The following LEKR1 variants were observed in gnomAD, a reference collection of about 807,000 sequenced individuals.
LEKR1 encodes leucine, glutamate and lysine rich 1, also known as protein LEKR1.
In LEKR1, 59 loss-of-function variants were observed where a neutral mutation model predicts 72.4. The observed-to-expected ratio is 0.82, with a 90% confidence interval of 0.66 to 1.01. The LOEUF (loss-of-function observed/expected upper bound fraction) is 1.01. Ranked by LOEUF, LEKR1 falls within the 50% of genes least tolerant of loss-of-function variation. The probability of loss-of-function intolerance (pLI) is 0.00; values close to 1 mark genes in which losing one functional copy is unlikely to be tolerated. For synonymous variants in LEKR1, 257 were observed against 263.2 expected, an observed-to-expected ratio of 0.98 and a Z score of 0.23; for missense variants, 728 against 759.2, an observed-to-expected ratio of 0.96 and a Z score of 0.48.
chr3:156,918,529 A>C (rs1723878085), intron 3 of LEKR1, among the ~76,000 whole-genome samples: 3 of 152,110 alleles, frequency 2.0e-5, no homozygotes, highest in Non-Finnish European at 4.4e-5. Context: ...AAGATGATAG[A>C]CCAGAGAGTT....
intron 3 of LEKR1, among the ~76,000 whole-genome samples, chr3:156,902,300 A>T (rs1722114690): frequency 6.6e-6 from 1 of 152,168 alleles, no homozygotes; most frequent in South Asian, 2.1e-4. Context: ...ACTTCATAAA[A>T]TAACTTATAT....
intron 5 of LEKR1, among the ~76,000 whole-genome samples, chr3:156,940,192 A>T (rs576691523): frequency 2.0e-5 from 3 of 152,274 alleles, no homozygotes; most frequent in African/African-American, 7.2e-5. Flanking sequence ...GGTAGAAATT[A>T]TGGGGGAAAT....
At chr3:156,912,711 C>G (rs1157873913) in intron 3 of LEKR1, among the ~76,000 whole-genome samples, 1 of 152,218 alleles carries the variant, frequency 6.6e-6, no homozygotes, top group African/African-American at 2.4e-5. Flanking sequence ...AATTGGCAGA[C>G]TTTCATGAGG....
chr3:156,885,333 A>G (rs1719936600), intron 3 of LEKR1, among the ~76,000 whole-genome samples: 1 of 152,040 alleles, frequency 6.6e-6, no homozygotes, highest in South Asian at 2.1e-4. Context: ...AGCTGGTGTG[A>G]TCTTTTGGGG....
At chr3:156,957,265 C>T (rs958904844) in intron 6 of LEKR1, among the ~76,000 whole-genome samples, 2 of 151,806 alleles carry the variant, frequency 1.3e-5, no homozygotes, top group African/African-American at 2.4e-5. Flanking sequence ...TAGAAACATG[C>T]TTATGATTAT....
chr3:156,993,933 T>A (rs1305104660), intron 9 of LEKR1, among the ~76,000 whole-genome samples: 1 of 152,160 alleles, frequency 6.6e-6, no homozygotes, highest in African/African-American at 2.4e-5. Flanking sequence ...GCATATCTGA[T>A]ATATAGCACA....
At chr3:156,836,191 A>G (rs1002667685) in intron 2 of LEKR1, among the ~76,000 whole-genome samples, 1 of 152,084 alleles carries the variant, frequency 6.6e-6, no homozygotes, top group African/African-American at 2.4e-5. Context: ...GTAATTTCTG[A>G]TATCCTCAAA....
At chr3:156,956,121 G>A (rs1292180622) in intron 6 of LEKR1, among the ~76,000 whole-genome samples, 1 of 151,866 alleles carries the variant, frequency 6.6e-6, no homozygotes, top group Non-Finnish European at 1.5e-5. Context: ...GGAAGAACCA[G>A]GCTGAGAAAG....
At chr3:157,032,799 A>C (rs369674661) in intron 12 of LEKR1, among the ~76,000 whole-genome samples, 9 of 133,434 alleles carry the variant, frequency 6.7e-5, no homozygotes, top group African/African-American at 2.4e-4. Flanking sequence ...ATTGTGCTCC[A>C]CAGATACTGT....
intron 3 of LEKR1, among the ~76,000 whole-genome samples, chr3:156,898,980 T>C (rs909644364): frequency 6.6e-6 from 1 of 152,194 alleles, no homozygotes; most frequent in Non-Finnish European, 1.5e-5. Flanking sequence ...GCTGAATCTC[T>C]TGTTGCTCCT....
intron 5 of LEKR1, among the ~76,000 whole-genome samples, chr3:156,936,440 C>CACACACACACAG (rs1725711500): frequency 9.5e-6 from 1 of 105,138 alleles, no homozygotes; most frequent in African/African-American, 2.8e-5. Flanking sequence ...CACACACACA[C>CACACACACACAG]ACACACACAC....
intron 2 of LEKR1, among the ~76,000 whole-genome samples, chr3:156,850,150 C>T (rs1056609717): frequency 6.6e-6 from 1 of 151,854 alleles, no homozygotes; most frequent in Non-Finnish European, 1.5e-5. Flanking sequence ...CAAAAAAACA[C>T]GTGAAAAAAT....
intron 7 of LEKR1, among the ~76,000 whole-genome samples, chr3:156,989,037 T>C (rs1190064908): frequency 6.6e-6 from 1 of 152,178 alleles, no homozygotes; most frequent in Admixed American, 6.5e-5. Context: ...TTCACTATGT[T>C]GGCCATGTTT....
chr3:156,840,452 T>A (rs1713763885), intron 2 of LEKR1, among the ~76,000 whole-genome samples: 1 of 152,234 alleles, frequency 6.6e-6, no homozygotes, highest in South Asian at 2.1e-4. Context: ...TTTTTAAAAA[T>A]CTCTTTGAAA....
At chr3:156,864,355 A>G (rs1416160417) in intron 3 of LEKR1, among the ~76,000 whole-genome samples, 1 of 151,972 alleles carries the variant, frequency 6.6e-6, no homozygotes, top group Non-Finnish European at 1.5e-5. Context: ...CTCTTCATAC[A>G]AGTACCCTGG....
intron 12 of LEKR1, among the ~76,000 whole-genome samples, chr3:157,039,198 G>A (rs888103243): frequency 1.3e-5 from 2 of 152,138 alleles, no homozygotes; most frequent in East Asian, 1.9e-4. Context: ...ATAGACAGGG[G>A]TTTTACTTCT....
At chr3:156,845,621 A>G (rs1714493006) in intron 2 of LEKR1, among the ~76,000 whole-genome samples, 1 of 151,492 alleles carries the variant, frequency 6.6e-6, no homozygotes, top group South Asian at 2.1e-4. Context: ...CTGCTTTTGT[A>G]CCTTTGTCAA....
chr3:156,947,788 AAT>A (rs1726814593), intron 6 of LEKR1, among the ~76,000 whole-genome samples: 1 of 151,260 alleles, frequency 6.6e-6, no homozygotes, highest in Admixed American at 6.6e-5. Flanking sequence ...CATTGATTTG[AAT>A]ATGACTTATT....
intron 6 of LEKR1, among the ~76,000 whole-genome samples, chr3:156,951,901 T>C (rs1727187723): frequency 6.6e-6 from 1 of 151,542 alleles, no homozygotes; most frequent in Admixed American, 6.6e-5. Context: ...AGCTTTGGGG[T>C]TGATTTGCTC....
Sources: allele counts gnomAD v4.1 joint callset (sites outside exome capture counted in the v4.1 genomes callset), GRCh38; gene constraint gnomAD v4.1.1; transcripts MANE v1.5; gene names NCBI Gene and HGNC (gene_info 2026-07-23, HGNC 2026-07-21).